The following FAXC variants were observed in gnomAD, a reference collection of about 807,000 sequenced individuals.
FAXC encodes failed axon connections homolog.
FAXC carries 10 observed loss-of-function variants against 41.9 expected under a neutral mutation model. That is an observed-to-expected ratio of 0.24 (90% CI 0.15 to 0.41). FAXC has a LOEUF of 0.41. FAXC is among the 10% of genes least tolerant of loss of function. The probability of loss-of-function intolerance (pLI) is 1.00; values close to 1 mark genes in which losing one functional copy is unlikely to be tolerated. For synonymous variants in FAXC, 183 were observed against 183.8 expected (o/e 1.00, Z 0.03); for missense variants, 399 against 510.9 (o/e 0.78, Z 2.11).
At chr6:99,340,233 G>T (rs1217599837) in intron 2 of FAXC, among the ~76,000 whole-genome samples, 1 of 151,920 alleles carries the variant, frequency 6.6e-6, no homozygotes, top group Non-Finnish European at 1.5e-5. Flanking sequence ...CCGAGTAGCT[G>T]GGATTACAGG....
At chr6:99,283,739 G>C (rs903368614) in intron 5 of FAXC, among the ~76,000 whole-genome samples, 4 of 151,984 alleles carry the variant, frequency 2.6e-5, no homozygotes, top group African/African-American at 7.3e-5. Context: ...AGATGTGAGG[G>C]CAGCAGCAAG....
chr6:99,307,519 AT>A (rs1771972937), intron 4 of FAXC, among the ~76,000 whole-genome samples: 1 of 152,084 alleles, frequency 6.6e-6, no homozygotes, highest in African/African-American at 2.4e-5. Context: ...AGGGAAGTCA[AT>A]ATGGGAAGGG....
intron 1 of FAXC, among the ~76,000 whole-genome samples, chr6:99,343,409 T>G (rs112092142): frequency 6.6e-6 from 1 of 152,218 alleles, no homozygotes; most frequent in Non-Finnish European, 1.5e-5. Flanking sequence ...GCTGGATGGA[T>G]AAAAATGATA....
At position 99,280,560 on chromosome 6, in the gene FAXC, T is replaced by C. The variant is rs1018622805; in HGVS notation, c.*604A>G. 6.5e-6 allele frequency: 1 copy of C among 152,834 alleles called. No homozygotes were observed. The highest frequency in any genetic ancestry group is 1.5e-5 in the Non-Finnish European group (1 of 68,540). 9.5% of individuals were successfully genotyped at this position (152,834 alleles called of 1,614,324 possible). A position where few individuals can be genotyped will look rare whatever the true frequency, so the allele number is the denominator to read the frequency against. ...GAGAAATGAGGCACCCAATAGTTAA[T>C]AAGAGATTTGCTCAAAATCACACAG... On this transcript the variant is annotated 3_prime_UTR_variant, in exon 6 of 6. Transcript: ENST00000389677.
At chr6:99,328,818 C>G (rs1482643376) in intron 3 of FAXC, among the ~76,000 whole-genome samples, 1 of 152,180 alleles carries the variant, frequency 6.6e-6, no homozygotes, top group Admixed American at 6.5e-5. Flanking sequence ...AGCCTTTGAG[C>G]CACTTGATAA....
chr6:99,327,006 C>T (rs1429245178), intron 3 of FAXC, among the ~76,000 whole-genome samples: 11 of 152,156 alleles, frequency 7.2e-5, no homozygotes, highest in Admixed American at 7.2e-4. Flanking sequence ...CTGCAGCAGG[C>T]TGAATGCAGG....
At chr6:99,291,297 A>G (rs1300362046) in intron 5 of FAXC, among the ~76,000 whole-genome samples, 1 of 152,236 alleles carries the variant, frequency 6.6e-6, no homozygotes, top group Non-Finnish European at 1.5e-5. Context: ...TAGTTGATGT[A>G]GCTGGATATA....
chr6:99,308,059 G>A (rs1210140971), intron 4 of FAXC, among the ~76,000 whole-genome samples: 1 of 152,210 alleles, frequency 6.6e-6, no homozygotes, highest in East Asian at 1.9e-4. Flanking sequence ...CACTTTGGGA[G>A]GATGAGGCAG....
intron 4 of FAXC, among the ~76,000 whole-genome samples, chr6:99,307,217 G>T (rs79158519): frequency 0.059 from 8,930 of 152,278 alleles, 568 homozygotes; most frequent in East Asian, 0.35. Context: ...GTGGCTCTTA[G>T]AGTAAATGGG....
Position 99,280,739 on chromosome 6 carries a change from A to G in FAXC, c.*425T>C. 5.2e-6 allele frequency: 1 copy of G among 191,390 alleles called. No homozygotes were observed. The allele number at this position is 191,390 out of a possible 1,614,324, so 11.9% of individuals were successfully genotyped here. A position where few individuals can be genotyped will look rare whatever the true frequency, so the allele number is the denominator to read the frequency against. On this transcript the variant is annotated 3_prime_UTR_variant, in exon 6 of 6. Transcript: ENST00000389677. ...CACATAAAGTACAAGCAGCCACCGT[A>G]AAACATTTTTCTGATGATATCTCTC...
At chr6:99,286,254 A>G (rs1449405921) in intron 5 of FAXC, among the ~76,000 whole-genome samples, 1 of 152,026 alleles carries the variant, frequency 6.6e-6, no homozygotes, top group African/African-American at 2.4e-5. Flanking sequence ...TAATGAAAAC[A>G]CCCCCTTTGC....
At chr6:99,337,238 CT>C (rs1773247735) in intron 2 of FAXC, among the ~76,000 whole-genome samples, 1 of 144,514 alleles carries the variant, frequency 6.9e-6, no homozygotes, top group South Asian at 2.3e-4. Context: ...CTGTACTATT[CT>C]TTTGTCTGCA....
intron 1 of FAXC, among the ~76,000 whole-genome samples, chr6:99,347,345 T>C (rs965284300): frequency 1.6e-4 from 24 of 148,696 alleles, no homozygotes; most frequent in African/African-American, 5.5e-4. Flanking sequence ...GAGGTTGCAA[T>C]GAGCTGAGAT....
At chr6:99,318,041 G>A (rs1772430746) in intron 4 of FAXC, among the ~76,000 whole-genome samples, 1 of 152,052 alleles carries the variant, frequency 6.6e-6, no homozygotes, top group South Asian at 2.1e-4. Context: ...GGTGGATCAC[G>A]AGGTCAGGAA....
intron 5 of FAXC, among the ~76,000 whole-genome samples, chr6:99,288,266 G>A (rs888022114): frequency 2.0e-5 from 3 of 152,174 alleles, no homozygotes; most frequent in African/African-American, 4.8e-5. Flanking sequence ...GTGCACATTT[G>A]TATGTGTATG....
chr6:99,337,022 C>T (rs995216752), intron 2 of FAXC, among the ~76,000 whole-genome samples: 12 of 152,204 alleles, frequency 7.9e-5, no homozygotes, highest in African/African-American at 2.9e-4. Flanking sequence ...CACGCACCCA[C>T]TATCTATTTA....
Position 99,281,339 on chromosome 6 carries a change from C to A in FAXC, c.1055G>T (p.Ser352Ile). The A allele has an allele frequency of 6.2e-7, 1 of 1,614,148 alleles. No homozygotes were observed. The highest frequency in any genetic ancestry group is 8.5e-7 in the Non-Finnish European group (1 of 1,179,998). ...IYESEESSEG[S>I]KTHTPLLDFS... ...ATCCAGCAGCGGGGTGTGGGTTTTG[C>A]TGCCTTCGCTGCTCTCCTCAGACTC... is the stretch of plus-strand genomic sequence containing the variant. Residue 352 changes from serine (S) to isoleucine (I), a missense_variant, in exon 6 of 6, where the codon AGC (serine) becomes ATC (isoleucine). Around this residue, in one of 3 missense-constraint regions of FAXC, gnomAD observed 92 missense variants for 94.9 expected, o/e 0.97. Coordinates refer to ENST00000389677, the MANE Select transcript of FAXC (RefSeq NM_032511.4).
In FAXC at chr6:99,280,692, A is replaced by C. The variant is rs1213162942; in HGVS notation, c.*472T>G. On this transcript the variant is annotated 3_prime_UTR_variant, in exon 6 of 6. Transcript: ENST00000389677. Reference sequence around the variant, plus strand: ...AATATCTGTGGATTTTATTTGACTTATGTCTCAACATACAATATACACACA... The same window carrying C: ...AATATCTGTGGATTTTATTTGACTTCTGTCTCAACATACAATATACACACA... The C allele has an allele frequency of 1.2e-5, 2 of 166,316 alleles. No individual in the cohort carries two copies. Among genetic ancestry groups the C allele is most frequent in the Non-Finnish European group, 2.6e-5 (2 of 76,304 alleles). 10.3% of individuals were successfully genotyped at this position (166,316 alleles called of 1,614,324 possible). A position where few individuals can be genotyped will look rare whatever the true frequency, so the allele number is the denominator to read the frequency against.
chr6:99,329,983 C>G (rs963987459), intron 3 of FAXC, among the ~76,000 whole-genome samples: 1 of 151,758 alleles, frequency 6.6e-6, no homozygotes, highest in South Asian at 2.1e-4. Flanking sequence ...AATGCAGCCT[C>G]GAACTCCTGG....
Sources: gnomAD v4.1 joint callset for allele counts (sites outside exome capture counted in the v4.1 genomes callset) on GRCh38, gnomAD v4.1.1 for gene constraint, gnomAD v4.1.1 regional missense constraint, MANE v1.5 for transcripts, NCBI Gene and HGNC (gene_info 2026-07-23, HGNC 2026-07-21) for gene names.